The following COL1A2 variants were observed in gnomAD, a reference collection of about 807,000 sequenced individuals.
The protein encoded by COL1A2 is collagen alpha-2(I) chain.
Under a neutral mutation model 174.3 loss-of-function variants are expected in COL1A2, and 49 were observed. The ratio of observed to expected loss-of-function variants is 0.28; its 90% CI spans 0.22 to 0.36. The LOEUF (loss-of-function observed/expected upper bound fraction) is 0.36, where lower values mean the gene tolerates loss of function less well. Ranked by LOEUF, COL1A2 falls within the 10% of genes least tolerant of loss-of-function variation. The pLI is 1.00. For synonymous variants in COL1A2, 655 were observed against 606.6 expected, an observed-to-expected ratio of 1.08 and a Z score of -1.17; for missense variants, 1,438 against 1,822.7, an observed-to-expected ratio of 0.79 and a Z score of 3.84.
At position 94,429,336 on chromosome 7, in the gene COL1A2, A is replaced by G. The variant is rs1584332868; in HGVS notation, c.3860A>G (p.Lys1287Arg). 1.9e-6 allele frequency: 3 copies of G among 1,614,070 alleles called. No individual in the cohort carries two copies. Among genetic ancestry groups the G allele is most frequent in the Non-Finnish European group, 2.5e-6 (3 of 1,179,994 alleles). Reference sequence around the variant, plus strand: ...ATGGATGAGGAGACTGGCAACCTGAAAAAGGCTGTCATTCTACAGGGCTCT... The same window carrying G: ...ATGGATGAGGAGACTGGCAACCTGAGAAAGGCTGTCATTCTACAGGGCTCT... ...AYMDEETGNL[K>R]KAVILQGSND... is the part of the protein sequence containing the mutation. The change falls in exon 51 of 52, where the codon AAA (lysine) becomes AGA (arginine). Residue 1287 changes from lysine to arginine, a missense_variant. This residue lies in a region of COL1A2 where 290 missense variants were observed against 298.1 expected (regional missense o/e 0.97). Transcript: ENST00000297268.
At chr7:94,422,147 C>T (rs1792177288) in intron 39 of COL1A2, 195 bp downstream of exon 39, 2 of 479,402 alleles carry the variant, frequency 4.2e-6, no homozygotes, top group Admixed American at 3.4e-5. Context: ...GTTTAAGAGG[C>T]TTTTATTCAT....
intron 16 of COL1A2, 125 bp from the exon 17 acceptor site, chr7:94,409,197 G>A (rs1345268337): frequency 2.8e-5 from 27 of 950,244 alleles, no homozygotes; most frequent in Non-Finnish European, 3.8e-5. Context: ...GTAATAAAAC[G>A]GATAAGAAAA....
intron 38 of COL1A2, chr7:94,421,269 A>G: frequency 1.6e-6 from 1 of 629,800 alleles, no homozygotes; most frequent in East Asian, 2.8e-5. Flanking sequence ...CACTTGAGGT[A>G]ATAACCAAGG....
intron 42 of COL1A2, 151 bp from the exon 43 acceptor site, chr7:94,425,459 A>G (rs1792253199): frequency 1.1e-6 from 1 of 896,418 alleles, no homozygotes; most frequent in Admixed American, 2.1e-5. Flanking sequence ...AAAAATATCT[A>G]GGTTGGCAGG....
intron 25 of COL1A2, among the ~76,000 whole-genome samples, 174 bp downstream of exon 25, chr7:94,412,856 C>G (rs987469394): frequency 6.6e-6 from 1 of 152,180 alleles, no homozygotes; most frequent in Non-Finnish European, 1.5e-5. Context: ...CCTTATATCC[C>G]TGCTAAAAAT....
chr7:94,399,137 T>C, intron 4 of COL1A2, 53 bp downstream of exon 4: 1 of 1,528,028 alleles, frequency 6.5e-7, no homozygotes, highest in Non-Finnish European at 9.1e-7. Context: ...AATAACTATA[T>C]GTTAGAAACT....
At position 94,424,456 on chromosome 7, in the gene COL1A2, C is replaced by G. The variant is rs1268267921; in HGVS notation, c.2673+13C>G. 6.2e-6 allele frequency: 10 copies of G among 1,608,480 alleles called. No individual in the cohort carries two copies. Among genetic ancestry groups the G allele is most frequent in the Non-Finnish European group, 8.5e-6 (10 of 1,174,934 alleles). The stretch of plus-strand genomic sequence containing the variant: ...TGCTGGTGCTGTGGTGAGTGCTTGA[C>G]AGTATTCTGACTCCATTAACATAAG... On this transcript the variant is annotated intron_variant, in intron 41 of 51. Transcript: ENST00000297268.
rs1791940089 is a variant in COL1A2, at chr7:94,412,065, T to C, written c.1351-3T>C. On this transcript the variant is annotated splice_polypyrimidine_tract_variant and splice_region_variant and intron_variant, in intron 23 of 51. Coordinates refer to ENST00000297268, the MANE Select transcript of COL1A2 (RefSeq NM_000089.4). Reference sequence around the variant, plus strand: ...TATAAAAACATCCTCATTTATTTTATAGGGTCTTCCTGGTTCCCCTGGAAA... The same window carrying C: ...TATAAAAACATCCTCATTTATTTTACAGGGTCTTCCTGGTTCCCCTGGAAA... 1.2e-6 allele frequency: 2 copies of C among 1,610,682 alleles called. No homozygotes were observed. Among genetic ancestry groups the C allele is most frequent in the Non-Finnish European group, 8.5e-7 (1 of 1,177,816 alleles).
intron 50 of COL1A2, 82 bp from the exon 51 acceptor site, chr7:94,429,106 T>TC (rs1639422757): frequency 3.8e-6 from 4 of 1,048,296 alleles, no homozygotes; most frequent in Non-Finnish European, 5.4e-6. Context: ...ATCTTTTTTT[T>TC]TCTTTTTTTT....
chr7:94,400,874 C>T (rs949956901), intron 5 of COL1A2, among the ~76,000 whole-genome samples: 3 of 152,070 alleles, frequency 2.0e-5, no homozygotes, highest in African/African-American at 4.8e-5. Flanking sequence ...AATCAGAAGC[C>T]TGATTCTAAT....
In COL1A2 at chr7:94,404,868, C is replaced by T; in HGVS notation, c.408C>T (p.Gly136=). The T allele has an allele frequency of 6.2e-7, 1 of 1,614,020 alleles. No homozygotes were observed. The highest frequency in any genetic ancestry group is 8.5e-7 in the Non-Finnish European group (1 of 1,179,964). The change falls in exon 9 of 52, where the codon GGC becomes GGT. Residue 136 remains glycine, a synonymous_variant. Transcript: ENST00000297268. The stretch of plus-strand genomic sequence containing the variant: ...CTGCAGGTGCTCGTGGTCCAGCTGG[C>T]CCTCCTGGCAAGGCTGGTGAAGATG... The part of the protein sequence containing the change: ...TGPAGARGPA[G]PPGKAGEDGH...
intron 13 of COL1A2, 35 bp from the exon 14 acceptor site, chr7:94,408,148 A>G: frequency 6.2e-7 from 1 of 1,609,058 alleles, no homozygotes; most frequent in Non-Finnish European, 8.5e-7. Flanking sequence ...TTAAATTAGC[A>G]TTCTGGATTT....
chr7:94,397,312 A>G (rs1035840941), intron 1 of COL1A2, among the ~76,000 whole-genome samples: 1 of 152,156 alleles, frequency 6.6e-6, no homozygotes, highest in East Asian at 1.9e-4. Context: ...TTAAGGTAAC[A>G]TACTTTCCTA....
rs1297187251 is a variant in COL1A2 at position 94,401,618 on chromosome 7, A to G, written c.277A>G (p.Met93Val). The G allele has an allele frequency of 1.9e-6, 3 of 1,588,820 alleles. No homozygotes were observed. The highest frequency in any genetic ancestry group is 1.3e-5 in the African/African-American group (1 of 74,126). The change falls in exon 6 of 52, where the codon ATG becomes GTG. Residue 93 changes from methionine (M) to valine (V), a missense_variant and splice_region_variant. Around this residue, in one of 3 missense-constraint regions of COL1A2, gnomAD observed 281 missense variants for 310.9 expected, o/e 0.90. Transcript: ENST00000297268. ...AGGAGTTGGACTTGGCCCTGGACCA[A>G]TGGTATGCTTATCTGTTTATCTTAG... ...GKGVGLGPGP[M>V]GLMGPRGPPG...
At position 94,406,186 on chromosome 7, in the gene COL1A2, T is replaced by G. The variant is rs921608399; in HGVS notation, c.541-64T>G. 2.6e-6 allele frequency: 4 copies of G among 1,528,616 alleles called. No individual in the cohort carries two copies. The African/African-American group carries it at 4.1e-5, about 16-fold the overall frequency. The allele number at this position is 1,528,616 out of a possible 1,614,324, so 94.7% of individuals were successfully genotyped here. The stretch of plus-strand genomic sequence containing the variant: ...AGAGATTAATGGCAAAGATATACAA[T>G]ACAATTTTTATTTGACCAAACACTA... On this transcript the variant is annotated intron_variant, in intron 11 of 51. Coordinates refer to ENST00000297268, the MANE Select transcript of COL1A2 (RefSeq NM_000089.4).
chr7:94,399,266 T>C (rs1297846408), intron 4 of COL1A2, among the ~76,000 whole-genome samples, 182 bp downstream of exon 4: 3 of 152,218 alleles, frequency 2.0e-5, no homozygotes, highest in Admixed American at 1.3e-4. Flanking sequence ...ATATTTGTTT[T>C]AGGTCAAAAT....
intron 6 of COL1A2, among the ~76,000 whole-genome samples, chr7:94,402,654 A>T (rs189395256): frequency 2.6e-5 from 4 of 152,158 alleles, no homozygotes; most frequent in Non-Finnish European, 5.9e-5. Context: ...GCCAGAAGTC[A>T]AAGTGTTAGG....
rs767839892 is a variant in COL1A2, at chr7:94,423,005, C to T, written c.2452C>T (p.Leu818Phe). The T allele has an allele frequency of 6.2e-7, 1 of 1,614,114 alleles. No individual in the cohort carries two copies. The highest frequency in any genetic ancestry group is 8.5e-7 in the Non-Finnish European group (1 of 1,180,012). ...CCCTGGTCCTGCTGGGAAAGAAGGG[C>T]TTCGTGGTCCTCGTGGTGACCAAGG... ...GPPGPAGKEG[L>F]RGPRGDQGPV... is the part of the protein sequence containing the mutation. Residue 818 changes from leucine (L) to phenylalanine (F), a missense_variant, in exon 40 of 52, where the codon CTT becomes TTT. Physicochemically the swap from Leu to Phe is conservative, Grantham distance 22. Coordinates refer to ENST00000297268, the MANE Select transcript of COL1A2 (RefSeq NM_000089.4).
chr7:94,403,569 T>C (rs1791732729), intron 6 of COL1A2, among the ~76,000 whole-genome samples: 1 of 152,188 alleles, frequency 6.6e-6, no homozygotes, highest in South Asian at 2.1e-4. Flanking sequence ...AAAGTGACAG[T>C]TTCTTTTAAT....
Sources: allele counts gnomAD v4.1 joint callset (sites outside exome capture counted in the v4.1 genomes callset), GRCh38; gene constraint gnomAD v4.1.1; regional missense constraint gnomAD v4.1.1; transcripts MANE v1.5; gene names NCBI Gene and HGNC (gene_info 2026-07-23, HGNC 2026-07-21).